The following SETD4 variants were observed in gnomAD, a reference collection of about 807,000 sequenced individuals.
SETD4 encodes SET domain containing 4.
SETD4 carries 46 observed loss-of-function variants against 58.3 expected under a neutral mutation model. The ratio of observed to expected loss-of-function variants is 0.79; its 90% CI spans 0.62 to 1.01. The LOEUF (loss-of-function observed/expected upper bound fraction) is 1.01, where lower values mean the gene tolerates loss of function less well. Ranked by LOEUF, SETD4 falls within the 50% of genes least tolerant of loss-of-function variation. The pLI is 0.00. For synonymous variants in SETD4, 190 were observed against 202.6 expected (o/e 0.94, Z 0.53); for missense variants, 490 against 523.3 (o/e 0.94, Z 0.62).
chr21:36,050,866 T>A (rs892457788), intron 4 of SETD4: 1 of 1,610,932 alleles, frequency 6.2e-7, no homozygotes. Flanking sequence ...GTTGGCACCA[T>A]GTTACATTGT....
At chr21:36,044,936 C>T (rs1404495966) in intron 6 of SETD4, among the ~76,000 whole-genome samples, 1 of 152,224 alleles carries the variant, frequency 6.6e-6, no homozygotes, top group African/African-American at 2.4e-5. Context: ...CACTCATTTC[C>T]TAAATGAGCC....
chr21:36,043,366 G>A (rs577568955), intron 7 of SETD4: 43 of 656,736 alleles, frequency 6.5e-5, no homozygotes, highest in Non-Finnish European at 7.6e-5. Context: ...AGGACTATAG[G>A]TAGATTTATC....
chr21:36,057,368 A>G (rs1156698728), intron 2 of SETD4, 164 bp from the exon 3 acceptor site: 1 of 730,490 alleles, frequency 1.4e-6, no homozygotes, highest in South Asian at 1.5e-5. Context: ...AGTATTGGCC[A>G]GGCGCAATGA....
Position 36,056,713 on chromosome 21 carries a change from G to A in SETD4, c.169+396C>T, listed in dbSNP as rs114029379. ...AGCTGGGACTACAGGGCACACCACC[G>A]CGCCTGGCTAACTTTTGTACTTTTA... On this transcript the variant is annotated intron_variant, in intron 3 of 11. Coordinates refer to ENST00000332131, the MANE Select transcript of SETD4 (RefSeq NM_017438.5). Among the ~76,000 whole-genome samples the A allele has an allele frequency of 7.3e-3, 1,114 of 152,074 alleles. 17 individuals are homozygous for A. The highest frequency in any genetic ancestry group is 0.025 in the African/African-American group (1,051 of 41,468).
Position 36,045,647 on chromosome 21 carries a change from C to A in SETD4, c.661G>T (p.Ala221Ser). The A allele has an allele frequency of 6.2e-7, 1 of 1,614,146 alleles. No individual in the cohort carries two copies. The highest frequency in any genetic ancestry group is 8.5e-7 in the Non-Finnish European group (1 of 1,180,000). Residue 221 changes from alanine (A) to serine (S), a missense_variant, in exon 6 of 12, where the codon GCA becomes TCA. By Grantham distance (99) the Ala-to-Ser change is moderately conservative (BLOSUM62 1). Coordinates refer to ENST00000332131, the MANE Select transcript of SETD4 (RefSeq NM_017438.5). Reference protein sequence around the residue: ...LRPRQRECLSAEPDTCALAPY... With the variant: ...LRPRQRECLSSEPDTCALAPY... Reference sequence around the variant, plus strand: ...GCGAGTGCACAGGTGTCCGGCTCTGCAGAAAGGCATTCCCGCTGCCTGGGC... The same window carrying A: ...GCGAGTGCACAGGTGTCCGGCTCTGAAGAAAGGCATTCCCGCTGCCTGGGC...
Position 36,038,149 on chromosome 21 carries a change from C to T in SETD4, c.1188+1G>A. 1 of 1,609,156 alleles carries T rather than the reference C, an allele frequency of 6.2e-7. No homozygotes were observed. Among genetic ancestry groups the T allele is most frequent in the Non-Finnish European group, 8.5e-7 (1 of 1,178,772 alleles). The stretch of plus-strand genomic sequence containing the variant: ...AAGGATGTCATATTCTAGAAACATA[C>T]CTTTTGAAGCACAGCATTAGTCTCT... On this transcript the variant is annotated splice_donor_variant, in intron 10 of 11. Coordinates refer to ENST00000332131, the MANE Select transcript of SETD4 (RefSeq NM_017438.5). LOFTEE classifies it high-confidence loss of function.
At chr21:36,059,621 G>A in intron 1 of SETD4, 1 of 542,688 alleles carries the variant, frequency 1.8e-6, no homozygotes, top group Non-Finnish European at 2.3e-6. Flanking sequence ...TCAGGAGGCG[G>A]AAGCTGCAGC....
rs2064624548 is a variant in SETD4, at chr21:36,050,633, A to G, written c.208-2237T>C. On this transcript the variant is annotated intron_variant, in intron 4 of 11. Coordinates refer to ENST00000332131, the MANE Select transcript of SETD4 (RefSeq NM_017438.5). ...ATACTTTCTCTTATGGTGGCCATGA[A>G]AATTTTGCTAAAATGATTGATGAAG... The G allele has an allele frequency of 1.6e-5, 26 of 1,610,134 alleles. No individual in the cohort carries two copies. In the South Asian group the frequency reaches 2.9e-4, roughly 18 times the overall value.
rs769310913 is a variant in SETD4 at position 36,048,335 on chromosome 21, C to T, written c.269G>A (p.Arg90Gln). 8.7e-6 allele frequency: 14 copies of T among 1,613,958 alleles called. No homozygotes were observed. Among genetic ancestry groups the T allele is most frequent in the African/African-American group, 2.7e-5 (2 of 74,878 alleles). The change falls in exon 5 of 12, where the codon CGA (arginine) becomes CAA (glutamine). Residue 90 changes from arginine (R) to glutamine (Q), a missense_variant. Arg to Gln is a conservative substitution (Grantham distance 43). Transcript: ENST00000332131. Reference sequence around the variant, plus strand: ...AGTAATGTATGCCCCTAAGTAGCTTCGAATCACTGTGTCCGTGGTGAGCAG... The same window carrying T: ...AGTAATGTATGCCCCTAAGTAGCTTTGAATCACTGTGTCCGTGGTGAGCAG... ...SCLLTTDTVI[R>Q]SYLGAYITKW...
intron 7 of SETD4, chr21:36,043,359 A>G (rs1388928745): frequency 1.7e-6 from 1 of 596,540 alleles, no homozygotes; most frequent in African/African-American, 2.0e-5. Flanking sequence ...AGAAACAAGG[A>G]CTATAGGTAG....
intron 6 of SETD4, among the ~76,000 whole-genome samples, chr21:36,044,543 T>C (rs1471876795): frequency 1.3e-5 from 2 of 152,146 alleles, no homozygotes; most frequent in Non-Finnish European, 2.9e-5. Flanking sequence ...TAGCATCCTA[T>C]CACACTACAC....
In SETD4 at chr21:36,058,924, T is replaced by C; in HGVS notation, c.-36A>G. On this transcript the variant is annotated splice_region_variant and 5_prime_UTR_variant, in exon 2 of 12. Transcript: ENST00000332131. ...TAGTTTCTTTTTTCTGAAATACAGTTCTATTTTTTCAAAAAGGACAAAACT... is the reference window on the plus strand; with the variant it reads ...TAGTTTCTTTTTTCTGAAATACAGTCCTATTTTTTCAAAAAGGACAAAACT... The C allele has an allele frequency of 1.3e-6, 2 of 1,551,270 alleles. 1 individual carries two copies. Among genetic ancestry groups the C allele is most frequent in the South Asian group, 2.5e-5 (2 of 79,690 alleles).
In SETD4 at chr21:36,038,192, T is replaced by C. The variant is rs141665868; in HGVS notation, c.1146A>G (p.Ile382Met). The change falls in exon 10 of 12, where the codon ATA (isoleucine) becomes ATG (methionine). Residue 382 changes from isoleucine (I) to methionine (M), a missense_variant. By Grantham distance (10) the Ile-to-Met change is conservative. Coordinates refer to ENST00000332131, the MANE Select transcript of SETD4 (RefSeq NM_017438.5). ...TAGTCTCTTCTATGAAATAATAGCA[T>C]ATTTTCTGGGCTATGTCCAAACTTG... ...EKTSLDIAQK[I>M]CYYFIEETNA... 1.9e-6 allele frequency: 3 copies of C among 1,613,944 alleles called. No homozygotes were observed. In the African/African-American group the frequency reaches 4.0e-5, roughly 22 times the overall value.
chr21:36,050,937 T>C, intron 4 of SETD4: 1 of 1,607,956 alleles, frequency 6.2e-7, no homozygotes, highest in Non-Finnish European at 8.5e-7. Context: ...GATGTGTTCA[T>C]TGAGTGAACA....
intron 3 of SETD4, among the ~76,000 whole-genome samples, chr21:36,056,795 T>C (rs565971743): frequency 3.3e-5 from 5 of 152,050 alleles, no homozygotes; most frequent in Non-Finnish European, 5.9e-5. Flanking sequence ...TGAGCTCAAG[T>C]GATCTGCCTG....
intron 4 of SETD4, chr21:36,050,151 TA>T: frequency 1.1e-6 from 1 of 884,478 alleles, no homozygotes; most frequent in Non-Finnish European, 1.9e-6. Flanking sequence ...TCATCTTCCA[TA>T]ATCAACTGGT....
intron 4 of SETD4, among the ~76,000 whole-genome samples, chr21:36,048,944 G>A (rs923248409): frequency 2.0e-5 from 3 of 151,880 alleles, no homozygotes; most frequent in Non-Finnish European, 2.9e-5. Context: ...CTTATGCCAG[G>A]AAATAGTGCT....
At chr21:36,038,075 C>T in intron 10 of SETD4, 75 bp downstream of exon 10, 1 of 1,484,854 alleles carries the variant, frequency 6.7e-7, no homozygotes, top group Non-Finnish European at 9.1e-7. Context: ...ATGCACTATC[C>T]CTAATAACAT....
chr21:36,058,859 C>G lies in SETD4; in HGVS notation c.30G>C (p.Arg10=). 1 of 1,602,426 alleles carries G rather than the reference C, an allele frequency of 6.2e-7. No homozygotes were observed. The highest frequency in any genetic ancestry group is 2.2e-5 in the East Asian group (1 of 44,530). ...TTCCGCAGAGTTTTCGTCTTCTGAT[C>G]CGGCTTGTTCTCCCTTTTCCTTTCT... is the stretch of plus-strand genomic sequence containing the variant. The part of the protein sequence containing the change: MQKGKGRTS[R]IRRRKLCGSS... Residue 10 remains arginine (R), a synonymous_variant, in exon 2 of 12, where the codon CGG becomes CGC. Transcript: ENST00000332131.
Sources: allele counts gnomAD v4.1 joint callset (sites outside exome capture counted in the v4.1 genomes callset), GRCh38; gene constraint gnomAD v4.1.1; transcripts MANE v1.5; gene names NCBI Gene and HGNC (gene_info 2026-07-23, HGNC 2026-07-21).